The following NEK11 variants were observed in gnomAD, a reference collection of about 807,000 sequenced individuals.
The protein encoded by NEK11 is NIMA related kinase 11.
A neutral mutation model predicts 80.7 loss-of-function variants in NEK11; 72 were observed. That is an observed-to-expected ratio of 0.89 (90% CI 0.74 to 1.08). The LOEUF (loss-of-function observed/expected upper bound fraction) is 1.08. Among genes scored for constraint, NEK11 ranks in the 50% least tolerant of loss-of-function variants. NEK11 has a pLI of 0.00. For synonymous variants in NEK11, 251 were observed against 260.7 expected (o/e 0.96, Z 0.36); for missense variants, 764 against 763.6 (o/e 1.00, Z -0.01).
chr3:131,185,250 G>C (rs562476855), intron 14 of NEK11, among the ~76,000 whole-genome samples: 2 of 152,264 alleles, frequency 1.3e-5, no homozygotes, highest in Admixed American at 1.3e-4. Context: ...TAATAGGACA[G>C]AGTTAGAAGT....
At chr3:131,228,781 G>A in intron 15 of NEK11, 93 bp downstream of exon 15, 1 of 1,262,466 alleles carries the variant, frequency 7.9e-7, no homozygotes, top group Non-Finnish European at 1.1e-6. Context: ...AGGTGAAGTT[G>A]GGGACATGGG....
intron 4 of NEK11, among the ~76,000 whole-genome samples, chr3:131,105,782 AGAT>A (rs1399282669): frequency 1.3e-5 from 2 of 152,186 alleles, no homozygotes; most frequent in Non-Finnish European, 2.9e-5. Context: ...ATTCAAGATG[AGAT>A]TTTGGGTGGG....
intron 4 of NEK11, among the ~76,000 whole-genome samples, chr3:131,106,177 AT>A (rs1159772386): frequency 6.6e-6 from 1 of 151,788 alleles, no homozygotes; most frequent in Non-Finnish European, 1.5e-5. Context: ...TTTATAATAC[AT>A]TTTTTTCAAT....
At chr3:131,324,577 A>G (rs969373127) in intron 17 of NEK11, among the ~76,000 whole-genome samples, 6 of 152,232 alleles carry the variant, frequency 3.9e-5, no homozygotes, top group African/African-American at 1.4e-4. Flanking sequence ...TTCAAAAATG[A>G]AAAAAAGTGT....
chr3:131,100,714 C>T (rs546503837), intron 4 of NEK11, among the ~76,000 whole-genome samples: 1 of 152,166 alleles, frequency 6.6e-6, no homozygotes, highest in African/African-American at 2.4e-5. Flanking sequence ...TTTTTCGTTG[C>T]ATCTTTGCCA....
chr3:131,221,560 G>A lies in NEK11; in HGVS notation c.1400-6968G>A, dbSNP rs571868853. The stretch of plus-strand genomic sequence containing the variant: ...GGTTAAAACCATCTGGGATGGTGGT[G>A]GGCCCACAGGCTGAGATCTTCTAAA... On this transcript the variant is annotated intron_variant, in intron 14 of 17. Transcript: ENST00000383366. 5.3e-5 allele frequency among the ~76,000 whole-genome samples: 8 copies of A among 152,256 alleles called. No individual in the cohort carries two copies. In the South Asian group the frequency reaches 1.7e-3, roughly 32 times the overall value.
In NEK11 at chr3:131,029,765, T is replaced by C; in HGVS notation, c.57T>C (p.Thr19=). The change falls in exon 3 of 18, where the codon ACT becomes ACC. Residue 19 remains threonine (T), a synonymous_variant. Coordinates refer to ENST00000383366, the MANE Select transcript of NEK11 (RefSeq NM_024800.5). ...KCVSGSTAIS[T]YPKTLIARRY... ...TGAGTGGATCAACAGCCATTTCCAC[T>C]TATCCAAAGACCTTGATTGCAAGAA... The C allele has an allele frequency of 6.2e-7, 1 of 1,614,182 alleles. No homozygotes were observed. The highest frequency in any genetic ancestry group is 2.2e-5 in the East Asian group (1 of 44,888).
At position 131,133,957 on chromosome 3, in the gene NEK11, G is replaced by A. The variant is rs200746054; in HGVS notation, c.647+1G>A. 1.2e-6 allele frequency: 2 copies of A among 1,607,544 alleles called. No individual in the cohort carries two copies. The highest frequency in any genetic ancestry group is 1.7e-6 in the Non-Finnish European group (2 of 1,176,684). On this transcript the variant is annotated splice_donor_variant, in intron 7 of 17. Transcript: ENST00000383366. LOFTEE classifies it high-confidence loss of function. ...GCTATGACACAAAGTCGGACATCTGGTGAGTGGGCTAGTGGGCTAGACTCT... is the reference window on the plus strand; with the variant it reads ...GCTATGACACAAAGTCGGACATCTGATGAGTGGGCTAGTGGGCTAGACTCT...
chr3:131,188,177 G>C (rs527744155), intron 14 of NEK11, among the ~76,000 whole-genome samples: 110 of 152,248 alleles, frequency 7.2e-4, no homozygotes, highest in African/African-American at 2.4e-3. Context: ...AGTGCATTTT[G>C]TGAGTTCATG....
chr3:131,324,892 A>T (rs1433865784), intron 17 of NEK11, among the ~76,000 whole-genome samples: 1 of 152,192 alleles, frequency 6.6e-6, no homozygotes, highest in Non-Finnish European at 1.5e-5. Context: ...ATTTAAAAAA[A>T]TTCTGTAATT....
intron 10 of NEK11, among the ~76,000 whole-genome samples, chr3:131,157,778 G>A (rs1031311430): frequency 6.6e-6 from 1 of 152,178 alleles, no homozygotes; most frequent in Admixed American, 6.5e-5. Context: ...AGTGACGCTG[G>A]GGGAATGGGT....
intron 14 of NEK11, among the ~76,000 whole-genome samples, chr3:131,214,550 A>G (rs973861298): frequency 6.6e-6 from 1 of 152,224 alleles, no homozygotes; most frequent in African/African-American, 2.4e-5. Flanking sequence ...TAAAGCAGGA[A>G]AGAAAAGTTT....
chr3:131,091,815 T>C (rs780809772), intron 4 of NEK11, among the ~76,000 whole-genome samples: 9 of 152,248 alleles, frequency 5.9e-5, no homozygotes, highest in Non-Finnish European at 1.2e-4. Flanking sequence ...TTTCTTGAAT[T>C]GGGCAAACTT....
At chr3:131,122,074 G>A (rs2082479905) in intron 5 of NEK11, among the ~76,000 whole-genome samples, 1 of 152,230 alleles carries the variant, frequency 6.6e-6, no homozygotes. Context: ...CATGCTGGGA[G>A]CTGTAGACTG....
At chr3:131,177,671 G>A (rs1039418185) in intron 14 of NEK11, among the ~76,000 whole-genome samples, 2 of 152,286 alleles carry the variant, frequency 1.3e-5, no homozygotes, top group Admixed American at 6.5e-5. Context: ...CAGTACTGAG[G>A]TTGTGAACCT....
intron 5 of NEK11, among the ~76,000 whole-genome samples, chr3:131,132,175 G>T (rs1578815785): frequency 1.3e-5 from 2 of 151,748 alleles, no homozygotes; most frequent in East Asian, 3.9e-4. Flanking sequence ...GCTCAACTGT[G>T]CATATATGAA....
At chr3:131,236,122 G>C (rs116407305) in intron 15 of NEK11, among the ~76,000 whole-genome samples, 3,425 of 152,272 alleles carry the variant, frequency 0.022, 116 homozygotes, top group African/African-American at 0.076. Flanking sequence ...AAATTCTTGT[G>C]TTTTTGTGGC....
intron 5 of NEK11, among the ~76,000 whole-genome samples, chr3:131,110,397 C>T (rs1314081062): frequency 1.3e-5 from 2 of 152,030 alleles, no homozygotes; most frequent in African/African-American, 4.8e-5. Context: ...TCTTTCACCT[C>T]AGAGGGATAA....
chr3:131,084,406 C>A (rs2149071869), intron 4 of NEK11, among the ~76,000 whole-genome samples: 1 of 152,328 alleles, frequency 6.6e-6, no homozygotes, highest in African/African-American at 2.4e-5. Context: ...AATATTGAAT[C>A]CTTCTACCTG....
Sources: gnomAD v4.1 joint callset for allele counts (sites outside exome capture counted in the v4.1 genomes callset) on GRCh38, gnomAD v4.1.1 for gene constraint, MANE v1.5 for transcripts, NCBI Gene and HGNC (gene_info 2026-07-23, HGNC 2026-07-21) for gene names.